The following MNT variants were observed in gnomAD, a reference collection of about 807,000 sequenced individuals.
MNT encodes the protein MAX network transcriptional repressor.
In MNT, 13 loss-of-function variants were observed where a neutral mutation model predicts 40.7. The ratio of observed to expected loss-of-function variants is 0.32; its 90% CI spans 0.21 to 0.51. The LOEUF is 0.51. Among genes scored for constraint, MNT ranks in the 20% least tolerant of loss-of-function variants. The pLI, the probability that MNT is intolerant of heterozygous loss-of-function variation, is 0.98. For missense variants in MNT, 757 were observed against 792.0 expected (o/e 0.96, Z 0.53); for synonymous variants, 426 against 354.8 (o/e 1.20, Z -2.26).
rs371354674 is a variant in MNT at position 2,387,666 on chromosome 17, G to A, written c.1001-17C>T. The A allele has an allele frequency of 6.2e-7, 1 of 1,613,584 alleles. No individual in the cohort carries two copies. Among genetic ancestry groups the A allele is most frequent in the East Asian group, 2.2e-5 (1 of 44,860 alleles). On this transcript the variant is annotated splice_polypyrimidine_tract_variant and intron_variant, in intron 5 of 5. Transcript: ENST00000174618. ...CCTCACCCTCTGTGGGGAACATGGG[G>A]CAGGGAGCAGGTCAGAAGGGCGGGG...
intron 2 of MNT, 131 bp from the exon 3 acceptor site, chr17:2,394,477 G>A: frequency 7.3e-7 from 1 of 1,365,530 alleles, no homozygotes; most frequent in African/African-American, 1.4e-5. Flanking sequence ...ACTGGGAGAC[G>A]TTCGCCCTGT....
chr17:2,394,277 G>GCGCACACACACACACA lies in MNT; in HGVS notation c.695+27_695+28insTGTGTGTGTGTGTGCG, dbSNP rs1555611876. The GCGCACACACACACACA allele has an allele frequency of 1.6e-4, 237 of 1,489,292 alleles. No homozygotes were observed. The African/African-American group carries it at 2.8e-3, about 17-fold the overall frequency. The allele number at this position is 1,489,292 out of a possible 1,614,324, so 92.3% of individuals were successfully genotyped here. On this transcript the variant is annotated intron_variant, in intron 3 of 5. Transcript: ENST00000174618. Reference sequence around the variant, plus strand: ...CCGGGTCGCGCGCGCACGCACGCACGCACACACACACACACACACACACAC... The same window carrying GCGCACACACACACACA: ...CCGGGTCGCGCGCGCACGCACGCACGCGCACACACACACACACACACACACACACACACACACACAC...
chr17:2,388,173 C>A (rs896339509), intron 4 of MNT, 124 bp from the exon 5 acceptor site: 2 of 896,290 alleles, frequency 2.2e-6, no homozygotes, highest in African/African-American at 1.7e-5. Flanking sequence ...GCGGGCCCAG[C>A]CTGACGGGGG....
chr17:2,398,269 C>T (rs982193779), intron 1 of MNT, among the ~76,000 whole-genome samples: 4 of 152,244 alleles, frequency 2.6e-5, no homozygotes, highest in Admixed American at 6.5e-5. Flanking sequence ...CCAGGCCTTC[C>T]GTCTGGGCAC....
chr17:2,388,702 C>T (rs1399381821), intron 4 of MNT, among the ~76,000 whole-genome samples: 3 of 152,146 alleles, frequency 2.0e-5, no homozygotes, highest in Non-Finnish European at 4.4e-5. Context: ...AGGAACGTGC[C>T]CCCTGTACTT....
intron 1 of MNT, among the ~76,000 whole-genome samples, chr17:2,396,056 T>G (rs1368568605): frequency 6.6e-6 from 1 of 152,206 alleles, no homozygotes; most frequent in Non-Finnish European, 1.5e-5. Flanking sequence ...GCAAGCCTCC[T>G]GACCCCTGGA....
chr17:2,394,277 G>GCGCACACACACACACACACACA (rs1555611876), intron 3 of MNT, 28 bp downstream of exon 3: 3 of 1,489,242 alleles, frequency 2.0e-6, no homozygotes, highest in African/African-American at 3.1e-5. Flanking sequence ...ACGCACGCAC[G>GCGCACACACACACACACACACA]CACACACACA....
Position 2,394,024 on chromosome 17 carries a change from C to G in MNT, c.807+19G>C. On this transcript the variant is annotated intron_variant, in intron 4 of 5. Transcript: ENST00000174618. ...GAGGGCGGGGGAAGCTGCGCGACGC[C>G]GGCCTCCGGGCCCCATACCTGGATG... 6.5e-7 allele frequency: 1 copy of G among 1,542,116 alleles called. No homozygotes were observed. Among genetic ancestry groups the G allele is most frequent in the Non-Finnish European group, 8.8e-7 (1 of 1,141,702 alleles).
chr17:2,390,735 A>T (rs1262466891), intron 4 of MNT: 1 of 152,154 alleles, frequency 6.6e-6, no homozygotes, highest in Admixed American at 6.5e-5. Context: ...CCCACCAGTG[A>T]GGCCAGCTTC....
intron 1 of MNT, among the ~76,000 whole-genome samples, chr17:2,395,901 G>GA (rs1055207139): frequency 6.6e-6 from 1 of 152,098 alleles, no homozygotes; most frequent in East Asian, 1.9e-4. Flanking sequence ...ACACCAGAGG[G>GA]GGGGGTGTGC....
intron 1 of MNT, among the ~76,000 whole-genome samples, chr17:2,399,944 TC>T (rs2066603146): frequency 6.6e-6 from 1 of 152,170 alleles, no homozygotes; most frequent in East Asian, 1.9e-4. Context: ...AGCCCGGCTT[TC>T]ACCCAAACCC....
rs201879561 is a variant in MNT, at chr17:2,395,421, C to T, written c.107G>A (p.Arg36Gln). 45 of 1,613,038 alleles carry T rather than the reference C, an allele frequency of 2.8e-5. No individual in the cohort carries two copies. The East Asian group carries it at 9.1e-4, about 33-fold the overall frequency. ...ATTGGCCTTCTTCTGTTCCTGCTCT[C>T]GCTCCTGCTCCAAGCGAAGCCGCTC... is the stretch of plus-strand genomic sequence containing the variant. ...EQERLRLEQE[R>Q]EQEQKKANSL... is the part of the protein sequence containing the mutation. The change falls in exon 2 of 6, where the codon CGA becomes CAA. Residue 36 changes from arginine (R) to glutamine (Q), a missense_variant. Physicochemically the swap from Arg to Gln is conservative, Grantham distance 43 (BLOSUM62 1). This residue lies in a region of MNT where 335 missense variants were observed against 291.4 expected (regional missense o/e 1.15). Transcript: ENST00000174618.
chr17:2,394,575 A>T (rs537632174), intron 2 of MNT, among the ~76,000 whole-genome samples: 1 of 152,196 alleles, frequency 6.6e-6, no homozygotes, highest in Non-Finnish European at 1.5e-5. Context: ...GGGAGACAGG[A>T]GGACTCCTGG....
At chr17:2,400,077 T>G (rs1206075998) in intron 1 of MNT, among the ~76,000 whole-genome samples, 1 of 152,110 alleles carries the variant, frequency 6.6e-6, no homozygotes, top group Non-Finnish European at 1.5e-5. Context: ...CGCGTAGATC[T>G]GCCGGGAGCG....
Position 2,386,787 on chromosome 17 carries a change from G to T in MNT, c.*114C>A. ...CCCCCTTCCCCTAGGAGGCCTGGGG[G>T]TGGGTGGGGGGGCTGGCCTGGGCCT... is the stretch of plus-strand genomic sequence containing the variant. On this transcript the variant is annotated 3_prime_UTR_variant, in exon 6 of 6. Coordinates refer to ENST00000174618, the MANE Select transcript of MNT (RefSeq NM_020310.3). 3 of 1,167,982 alleles carry T rather than the reference G, an allele frequency of 2.6e-6. No homozygotes were observed. Among genetic ancestry groups the T allele is most frequent in the Non-Finnish European group, 3.5e-6 (3 of 860,554 alleles). 72.4% of individuals were successfully genotyped at this position (1,167,982 alleles called of 1,614,324 possible). A position where few individuals can be genotyped will look rare whatever the true frequency, so the allele number is the denominator to read the frequency against.
intron 1 of MNT, among the ~76,000 whole-genome samples, chr17:2,399,119 G>A (rs536038913): frequency 8.8e-4 from 134 of 152,216 alleles, no homozygotes; most frequent in Middle Eastern, 3.4e-3. Flanking sequence ...AGAGAGAAAG[G>A]AAAGGAGGGC....
chr17:2,394,081 T>G lies in MNT; in HGVS notation c.769A>C (p.Asn257His). The G allele has an allele frequency of 1.9e-6, 3 of 1,608,468 alleles. No homozygotes were observed. Among genetic ancestry groups the G allele is most frequent in the Non-Finnish European group, 1.7e-6 (2 of 1,177,590 alleles). ...IPNVDDKKTS[N>H]LSVLRTALRY... ...AGCGCCGTCCGCAGCACGCTCAGAT[T>G]GGACGTCTTCTTGTCATCCACGTTG... Residue 257 changes from asparagine to histidine, a missense_variant, in exon 4 of 6, where the codon AAT becomes CAT. Transcript: ENST00000174618.
In MNT at chr17:2,387,295, A is replaced by G. The variant is rs2066472925; in HGVS notation, c.1355T>C (p.Ile452Thr). The G allele has an allele frequency of 4.3e-6, 7 of 1,613,258 alleles. No individual in the cohort carries two copies. The highest frequency in any genetic ancestry group is 5.9e-6 in the Non-Finnish European group (7 of 1,179,824). Residue 452 changes from isoleucine (I) to threonine (T), a missense_variant, in exon 6 of 6, where the codon ATC (isoleucine) becomes ACC (threonine). Physicochemically the swap from Ile to Thr is moderately conservative, Grantham distance 89. Transcript: ENST00000174618. ...AHTATTHASV[I>T]QTVNHVLQGP... ...CTGCAGAACGTGGTTCACAGTCTGG[A>G]TGACTGAAGCGTGAGTGGTGGCTGT...
In MNT at chr17:2,387,055, G is replaced by A. The variant is rs528548579; in HGVS notation, c.1595C>T (p.Thr532Met). ...HTLSHQQVNG[T>M]AGLGPPATVM... is the part of the protein sequence containing the mutation. ...AGTAGCCGGGGGCCCCAGGCCGGCC[G>A]TGCCGTTGACTTGCTGGTGCGAGAG... Residue 532 changes from threonine (T) to methionine (M), a missense_variant, in exon 6 of 6, where the codon ACG becomes ATG. By Grantham distance (81) the Thr-to-Met change is moderately conservative. Transcript: ENST00000174618. 14 of 1,559,228 alleles carry A rather than the reference G, an allele frequency of 9.0e-6. No homozygotes were observed. Among genetic ancestry groups the A allele is most frequent in the East Asian group, 2.4e-5 (1 of 41,940 alleles).
Sources: allele counts gnomAD v4.1 joint callset (sites outside exome capture counted in the v4.1 genomes callset), GRCh38; gene constraint gnomAD v4.1.1; regional missense constraint gnomAD v4.1.1; transcripts MANE v1.5; gene names NCBI Gene and HGNC (gene_info 2026-07-23, HGNC 2026-07-21).